Variants in CHD1L observed in about 807,000 individuals in gnomAD.
The protein encoded by CHD1L is chromodomain helicase DNA binding protein 1 like.
In CHD1L, 118 loss-of-function variants were observed where a neutral mutation model predicts 115.9. The ratio of observed to expected loss-of-function variants is 1.02; its 90% CI spans 0.88 to 1.19. CHD1L has a LOEUF of 1.19. Ranked by LOEUF, CHD1L falls within the 50% of genes most tolerant of loss-of-function variation. CHD1L has a pLI of 0.00. For synonymous variants in CHD1L, 411 were observed against 387.1 expected (o/e 1.06, Z -0.72); for missense variants, 1,179 against 1,065.3 (o/e 1.11, Z -1.49).
upstream of CHD1L, among the ~76,000 whole-genome samples, chr1:147,241,050 G>A (rs1366653868): frequency 6.6e-6 from 1 of 152,040 alleles, no homozygotes. Context: ...AAGTGTGGAG[G>A]GGCAGGCCAC....
chr1:147,278,222 G>GTTTTTT (rs71083825), intron 14 of CHD1L, among the ~76,000 whole-genome samples: 2,107 of 91,152 alleles, frequency 0.023, 135 homozygotes, highest in South Asian at 0.028. Context: ...TGTTTTTTGG[G>GTTTTTT]TTTTTTTTTT....
chr1:147,187,142 A>G, the CHD1L span: 2 of 1,614,176 alleles, frequency 1.2e-6, no homozygotes, highest in Non-Finnish European at 8.5e-7. Context: ...GGGTCAGTGA[A>G]GGCCAGAGAC....
At chr1:147,240,823 G>T (rs1016013436), upstream of CHD1L, among the ~76,000 whole-genome samples, 2 of 152,018 alleles carry the variant, frequency 1.3e-5, no homozygotes, top group Non-Finnish European at 2.9e-5. Context: ...CATGCTGACC[G>T]TCTCTCCACT....
At chr1:147,215,815 A>T in the CHD1L span, 2 of 1,613,954 alleles carry the variant, frequency 1.2e-6, no homozygotes, top group Non-Finnish European at 1.7e-6. Context: ...ATACTCCAGG[A>T]CCTGGGCATT....
the CHD1L span, among the ~76,000 whole-genome samples, chr1:147,202,989 C>T: frequency 4.6e-5 from 7 of 152,150 alleles, no homozygotes; most frequent in Non-Finnish European, 1.0e-4. Flanking sequence ...CATCCCACTC[C>T]CACACCATTT....
chr1:147,252,596 C>T (rs189176407), intron 1 of CHD1L, 27 bp from the exon 2 acceptor site: 13 of 1,567,584 alleles, frequency 8.3e-6, no homozygotes, highest in East Asian at 4.5e-5. Context: ...GTCTGCTCTT[C>T]GGATTTGCTG....
rs1553965590 is a variant in CHD1L at position 147,286,296 on chromosome 1, A to G, written c.2019-2A>G. 3.1e-6 allele frequency: 5 copies of G among 1,613,536 alleles called. No homozygotes were observed. The Admixed American group carries it at 8.3e-5, about 27-fold the overall frequency. ...TTTCCTTTTGTCTCTGGCCTGCTAA[A>G]GGATGGCCTGGTGGGAATCCAACAA... On this transcript the variant is annotated splice_acceptor_variant, in intron 17 of 22. Coordinates refer to ENST00000369258, the MANE Select transcript of CHD1L (RefSeq NM_004284.6). LOFTEE classifies it high-confidence loss of function.
upstream of CHD1L, chr1:147,242,536 G>A (rs587675799): frequency 3.9e-4 from 255 of 651,300 alleles, no homozygotes; most frequent in Middle Eastern, 1.9e-3. Context: ...CTGCCTGTCC[G>A]GAAGGGTGAC....
At chr1:147,292,692 G>C (rs1272062080) in intron 20 of CHD1L, among the ~76,000 whole-genome samples, 2 of 152,232 alleles carry the variant, frequency 1.3e-5, no homozygotes, top group Non-Finnish European at 2.9e-5. Flanking sequence ...GGGGAAGCTA[G>C]TGTATCACAC....
At chr1:147,189,370 A>G in the CHD1L span, among the ~76,000 whole-genome samples, 2 of 152,072 alleles carry the variant, frequency 1.3e-5, no homozygotes, top group Non-Finnish European at 2.9e-5. Flanking sequence ...AATTTAGTGC[A>G]GAGGTTTGGC....
At position 147,254,963 on chromosome 1, in the gene CHD1L, G is replaced by T; in HGVS notation, c.334G>T (p.Glu112Ter). 2 of 1,602,914 alleles carry T rather than the reference G, an allele frequency of 1.2e-6. No homozygotes were observed. The highest frequency in any genetic ancestry group is 1.7e-6 in the Non-Finnish European group (2 of 1,175,792). Residue 112 changes from glutamate to a stop codon, truncating the protein, a stop_gained, in exon 3 of 23, where the codon GAA (glutamate) becomes TAA (stop). Coordinates refer to ENST00000369258, the MANE Select transcript of CHD1L (RefSeq NM_004284.6). LOFTEE classifies it high-confidence loss of function. ...CTTGTCTGTTTTGAGCAACTGGAAA[G>T]AAGAAATGCAGAGGTACAGAGTAGA... ...CPLSVLSNWK[E>*]EMQRFAPGLS...
Position 147,254,974 on chromosome 1 carries a change from G to C in CHD1L, c.345G>C (p.Gln115His). 1 of 1,597,720 alleles carries C rather than the reference G, an allele frequency of 6.3e-7. No individual in the cohort carries two copies. The highest frequency in any genetic ancestry group is 8.5e-7 in the Non-Finnish European group (1 of 1,172,970). Residue 115 changes from glutamine to histidine, a missense_variant and splice_region_variant, in exon 3 of 23, where the codon CAG becomes CAC. Transcript: ENST00000369258. ...TGAGCAACTGGAAAGAAGAAATGCAGAGGTACAGAGTAGATGTAGCTGAAA... is the reference window on the plus strand; with the variant it reads ...TGAGCAACTGGAAAGAAGAAATGCACAGGTACAGAGTAGATGTAGCTGAAA... ...SVLSNWKEEM[Q>H]RFAPGLSCVT... is the part of the protein sequence containing the mutation.
At chr1:147,179,456 G>C in the CHD1L span, 1 of 1,587,662 alleles carries the variant, frequency 6.3e-7, no homozygotes, top group Non-Finnish European at 8.6e-7. Flanking sequence ...TATGAAGTCA[G>C]AGTTTTCCTA....
the CHD1L span, among the ~76,000 whole-genome samples, chr1:147,226,477 C>T: frequency 1.3e-5 from 2 of 151,852 alleles, no homozygotes; most frequent in Non-Finnish European, 2.9e-5. Flanking sequence ...ATATTAGTAA[C>T]CAAAAATACA....
At chr1:147,201,224 A>T in the CHD1L span, 14 of 1,614,076 alleles carry the variant, frequency 8.7e-6, no homozygotes, top group African/African-American at 1.5e-4. Flanking sequence ...GGCTGAATCA[A>T]GCCTATGATT....
rs1553974729 is a variant in CHD1L at position 147,294,505 on chromosome 1, T to C, written c.2603T>C (p.Ile868Thr). 1 of 1,611,744 alleles carries C rather than the reference T, an allele frequency of 6.2e-7. No individual in the cohort carries two copies. Among genetic ancestry groups the C allele is most frequent in the South Asian group, 1.1e-5 (1 of 90,688 alleles). ...CGGAAACATCTGGCTGCAAGAGGCA[T>C]CCCAACTTACATGTATCCTTTTGTG... ...LIRKHLAARG[I>T]PTYIYYFPRS... The change falls in exon 22 of 23, where the codon ATC becomes ACC. Residue 868 changes from isoleucine to threonine, a missense_variant. Transcript: ENST00000369258.
the CHD1L span, chr1:147,179,400 C>A: frequency 6.3e-7 from 1 of 1,598,190 alleles, no homozygotes; most frequent in Non-Finnish European, 8.6e-7. Context: ...ACCTGAATAT[C>A]GTCATAGCCA....
In CHD1L at chr1:147,256,575, T is replaced by C; in HGVS notation, c.494+13T>C. On this transcript the variant is annotated intron_variant, in intron 5 of 22. Coordinates refer to ENST00000369258, the MANE Select transcript of CHD1L (RefSeq NM_004284.6). The stretch of plus-strand genomic sequence containing the variant: ...CATTTCTAAAATCGTGAGTAGGTTG[T>C]ACTATTTAAGAACTTGGGTTGAATG... 1 of 1,611,376 alleles carries C rather than the reference T, an allele frequency of 6.2e-7. No homozygotes were observed. The highest frequency in any genetic ancestry group is 8.5e-7 in the Non-Finnish European group (1 of 1,178,062).
chr1:147,247,555 T>A (rs1260796598), intron 1 of CHD1L, among the ~76,000 whole-genome samples: 1 of 152,186 alleles, frequency 6.6e-6, no homozygotes, highest in African/African-American at 2.4e-5. Context: ...GAAGCAGATG[T>A]TGGTGCCATG....
Sources: gnomAD v4.1 joint callset for allele counts (sites outside exome capture counted in the v4.1 genomes callset) on GRCh38, gnomAD v4.1.1 for gene constraint, MANE v1.5 for transcripts, NCBI Gene and HGNC (gene_info 2026-07-23, HGNC 2026-07-21) for gene names.